The following CDH23 variants were observed in gnomAD, a reference collection of about 807,000 sequenced individuals.
CDH23 encodes the protein cadherin-23.
A neutral mutation model predicts 317.1 loss-of-function variants in CDH23; 189 were observed. The ratio of observed to expected loss-of-function variants is 0.60; its 90% confidence interval spans 0.53 to 0.67. The LOEUF (loss-of-function observed/expected upper bound fraction) is 0.67. CDH23 is among the 30% of genes least tolerant of loss of function. The pLI is 0.00. For synonymous variants in CDH23, 1,839 were observed against 1,876.8 expected, an observed-to-expected ratio of 0.98 and a Z score of 0.52; for missense variants, 4,401 against 4,592.4, an observed-to-expected ratio of 0.96 and a Z score of 1.20.
chr10:71,784,360 C>T lies in CDH23; in HGVS notation c.5442C>T (p.Ile1814=), dbSNP rs373768157. The part of the protein sequence containing the change: ...RKDVELDRET[I]AFYNLTICAR... ...ACGTGGAGCTGGACCGGGAGACCAT[C>T]GCCTTCTACAACCTGACCATCTGTG... Residue 1814 remains isoleucine (I), a synonymous_variant, in exon 42 of 70, where the codon ATC becomes ATT. Coordinates refer to ENST00000224721, the MANE Select transcript of CDH23 (RefSeq NM_022124.6). 1.6e-4 allele frequency: 256 copies of T among 1,613,840 alleles called. No individual in the cohort carries two copies. The highest frequency in any genetic ancestry group is 2.0e-4 in the Non-Finnish European group (231 of 1,179,846).
chr10:71,699,799 C>T (rs749767175), intron 22 of CDH23, among the ~76,000 whole-genome samples: 91 of 152,300 alleles, frequency 6.0e-4, no homozygotes, highest in Non-Finnish European at 9.3e-4. Context: ...AGGGAGCCTG[C>T]AGGAGAGGTC....
chr10:71,621,106 G>A (rs892742384), intron 11 of CDH23, among the ~76,000 whole-genome samples: 10 of 152,222 alleles, frequency 6.6e-5, no homozygotes, highest in African/African-American at 2.4e-4. Context: ...TCCAGAGCCA[G>A]AAAAATCAGG....
intron 38 of CDH23, among the ~76,000 whole-genome samples, chr10:71,742,680 G>A (rs1369025593): frequency 1.3e-5 from 2 of 152,214 alleles, no homozygotes; most frequent in Non-Finnish European, 1.5e-5. Flanking sequence ...TACCTCATAG[G>A]TGTTGTTTGG....
rs149782317 is a variant in CDH23 at position 71,454,996 on chromosome 10, C to G, written c.145+8601C>G. Among the ~76,000 whole-genome samples the G allele has an allele frequency of 2.2e-4, 33 of 152,076 alleles. 1 individual carries two copies. In the East Asian group the frequency reaches 5.6e-3, roughly 26 times the overall value. ...CTGATTACAGGCTAATGAAGCAACA[C>G]CTGGCTAATTTTTAATTTTTGTGTG... is the stretch of plus-strand genomic sequence containing the variant. On this transcript the variant is annotated intron_variant, in intron 3 of 69. Coordinates refer to ENST00000224721, the MANE Select transcript of CDH23 (RefSeq NM_022124.6).
At chr10:71,473,232 C>T (rs1175854556) in intron 3 of CDH23, among the ~76,000 whole-genome samples, 1 of 152,200 alleles carries the variant, frequency 6.6e-6, no homozygotes, top group East Asian at 1.9e-4. Flanking sequence ...TTCTGGAATA[C>T]AGAGCCTGGA....
chr10:71,793,377 G>A lies in CDH23; in HGVS notation c.6449G>A (p.Gly2150Asp), dbSNP rs751441151. The part of the protein sequence containing the change: ...YRLTVVATDR[G>D]TVPLSGTAIV... ...CTAACGGTGGTGGCCACCGACCGGG[G>A]CACCGTTCCTCTCTCGGGCACAGCC... The change falls in exon 48 of 70, where the codon GGC (glycine) becomes GAC (aspartate). Residue 2150 changes from glycine to aspartate, a missense_variant. Transcript: ENST00000224721. 2 of 1,613,900 alleles carry A rather than the reference G, an allele frequency of 1.2e-6. No homozygotes were observed. Among genetic ancestry groups the A allele is most frequent in the East Asian group, 2.2e-5 (1 of 44,874 alleles).
chr10:71,439,858 C>T lies in CDH23; in HGVS notation c.27C>T (p.Cys9=), dbSNP rs752788124. The change falls in exon 2 of 70, where the codon TGC becomes TGT. Residue 9 remains cysteine (C), a synonymous_variant. Coordinates refer to ENST00000224721, the MANE Select transcript of CDH23 (RefSeq NM_022124.6). The part of the protein sequence containing the change: MGRHVATS[C]HVAWLLVLIS... ...TGGGGCGCCATGTTGCCACCAGCTG[C>T]CACGTGGCCTGGCTTTTGGTGCTGA... 1.9e-6 allele frequency: 3 copies of T among 1,573,362 alleles called. No individual in the cohort carries two copies. Among genetic ancestry groups the T allele is most frequent in the East Asian group, 4.7e-5 (2 of 42,992 alleles).
chr10:71,731,978 C>T lies in CDH23; in HGVS notation c.3716-9C>T, dbSNP rs769341091. The stretch of plus-strand genomic sequence containing the variant: ...TCTGGGACTGCACAGCCTCTGTGTC[C>T]TCCTACAGGGGATGGTGGCCTGGTG... On this transcript the variant is annotated splice_polypyrimidine_tract_variant and intron_variant, in intron 31 of 69. Transcript: ENST00000224721. 7 of 1,612,184 alleles carry T rather than the reference C, an allele frequency of 4.3e-6. No individual in the cohort carries two copies. The highest frequency in any genetic ancestry group is 1.1e-5 in the South Asian group (1 of 90,780).
At chr10:71,460,754 C>T (rs1012148831) in intron 3 of CDH23, among the ~76,000 whole-genome samples, 9 of 152,216 alleles carry the variant, frequency 5.9e-5, no homozygotes, top group African/African-American at 1.2e-4. Flanking sequence ...ATCCCAGCCC[C>T]GTCTCTTGCC....
At chr10:71,424,713 T>C (rs1170514462) in intron 1 of CDH23, among the ~76,000 whole-genome samples, 2 of 152,208 alleles carry the variant, frequency 1.3e-5, no homozygotes, top group African/African-American at 4.8e-5. Flanking sequence ...GTGCACCTAC[T>C]GTCCGCCAGG....
chr10:71,437,213 G>A (rs548056972), intron 1 of CDH23, among the ~76,000 whole-genome samples: 58 of 152,274 alleles, frequency 3.8e-4, no homozygotes, highest in African/African-American at 9.4e-4. Context: ...ATATGGCAGC[G>A]TCTAGTAAAA....
chr10:71,515,959 T>A (rs895891746), intron 6 of CDH23, among the ~76,000 whole-genome samples: 2 of 152,216 alleles, frequency 1.3e-5, no homozygotes, highest in African/African-American at 4.8e-5. Flanking sequence ...GGGGGCTATT[T>A]GTTTGGGGCC....
chr10:71,604,415 G>A (rs1860411797), intron 9 of CDH23, among the ~76,000 whole-genome samples: 1 of 152,212 alleles, frequency 6.6e-6, no homozygotes, highest in Non-Finnish European at 1.5e-5. Flanking sequence ...CACGCAGCGG[G>A]CCCACAAGAA....
In CDH23 at chr10:71,755,459, C is replaced by T. The variant is rs111832632; in HGVS notation, c.4845+13538C>T. ...AGGCACCCGTAGCCAGGGCTGCAGC[C>T]GTGATGTCTGAAAGGGCAGAGAGGT... On this transcript the variant is annotated intron_variant, in intron 38 of 69. Transcript: ENST00000224721. 8.1e-6 allele frequency: 13 copies of T among 1,610,896 alleles called. No individual in the cohort carries two copies. The highest frequency in any genetic ancestry group is 2.2e-5 in the East Asian group (1 of 44,806).
rs1178485927 is a variant in CDH23 at position 71,709,068 on chromosome 10, A to T, written c.3107-30A>T. 4.4e-6 allele frequency: 7 copies of T among 1,603,116 alleles called. No homozygotes were observed. The Admixed American group carries it at 5.0e-5, about 11-fold the overall frequency. On this transcript the variant is annotated intron_variant, in intron 26 of 69. Transcript: ENST00000224721. ...CCCCTGGCCGGGAGCTCTGTTTCCC[A>T]GCCGGAAGCTTCCTCTCCTTCACCC...
chr10:71,427,523 C>T (rs1054132814), intron 1 of CDH23, among the ~76,000 whole-genome samples: 11 of 152,220 alleles, frequency 7.2e-5, no homozygotes, highest in East Asian at 1.9e-4. Flanking sequence ...GATATACCAA[C>T]GGATATACCA....
intron 6 of CDH23, among the ~76,000 whole-genome samples, chr10:71,532,716 T>TA (rs796887287): frequency 2.4e-5 from 1 of 42,402 alleles, no homozygotes; most frequent in African/African-American, 9.2e-5. Context: ...TTTTTGTTTT[T>TA]TTTTTTTTTT....
chr10:71,615,879 C>T (rs974663954), intron 10 of CDH23, among the ~76,000 whole-genome samples: 4 of 152,334 alleles, frequency 2.6e-5, no homozygotes, highest in African/African-American at 9.6e-5. Context: ...CCCCTCTCAG[C>T]GGGAGGCACA....
chr10:71,652,610 G>C (rs1863230644), intron 14 of CDH23, among the ~76,000 whole-genome samples: 1 of 152,210 alleles, frequency 6.6e-6, no homozygotes, highest in Non-Finnish European at 1.5e-5. Context: ...TGTGAGCTGG[G>C]GGAGATAACC....
Sources: gnomAD v4.1 joint callset for allele counts (sites outside exome capture counted in the v4.1 genomes callset) on GRCh38, gnomAD v4.1.1 for gene constraint, MANE v1.5 for transcripts, NCBI Gene and HGNC (gene_info 2026-07-23, HGNC 2026-07-21) for gene names.